BRWD3: variants seen among roughly 807,000 people sequenced by gnomAD.
BRWD3 encodes bromodomain and WD repeat-containing protein 3.
A neutral mutation model predicts 149.7 loss-of-function variants in BRWD3; 10 were observed. The ratio of observed to expected loss-of-function variants is 0.07; its 90% CI spans 0.04 to 0.11. BRWD3 has a LOEUF of 0.11. Ranked by LOEUF, BRWD3 falls within the 10% of genes least tolerant of loss-of-function variation. BRWD3 has a pLI of 1.00. For synonymous variants in BRWD3, 504 were observed against 456.7 expected (o/e 1.10, Z -1.32); for missense variants, 940 against 1,373.2 (o/e 0.68, Z 4.99).
At chrX:80,767,297 A>T (rs910728454) in intron 6 of BRWD3, among the ~76,000 whole-genome samples, 11 of 111,730 alleles carry the variant, frequency 9.8e-5, no homozygotes, top group Non-Finnish European at 2.1e-4. Context: ...ACTTCCCATT[A>T]GGGGCCAACA....
In BRWD3 at chrX:80,684,113, T is replaced by C; in HGVS notation, c.4130A>G (p.Glu1377Gly). The C allele has an allele frequency of 8.3e-7, 1 of 1,206,203 alleles. No homozygotes were observed. The highest frequency in any genetic ancestry group is 1.8e-5 in the South Asian group (1 of 56,869). The change falls in exon 37 of 41, where the codon GAA becomes GGA. Residue 1377 changes from glutamate to glycine, a missense_variant. Glu to Gly is a moderately conservative substitution (Grantham distance 98). Coordinates refer to ENST00000373275, the MANE Select transcript of BRWD3 (RefSeq NM_153252.5). The part of the protein sequence containing the change: ...DTPVDFSTVK[E>G]TLEAGNYGSP... ...ACCATAGTTTCCTGCTTCCAAAGTT[T>C]CTTTCACAGTGCTGAAGTCCACAGG...
chrX:80,790,932 T>G (rs2074175376), intron 6 of BRWD3, among the ~76,000 whole-genome samples: 1 of 111,781 alleles, frequency 8.9e-6, no homozygotes. Context: ...CCATGTTCAA[T>G]GAGACTCAAC....
In BRWD3 at chrX:80,717,720, T is replaced by C. The variant is rs1439073194; in HGVS notation, c.2084A>G (p.Asn695Ser). The change falls in exon 19 of 41, where the codon AAC becomes AGC. Residue 695 changes from asparagine (N) to serine (S), a missense_variant. By Grantham distance (46) the Asn-to-Ser change is conservative. Around this residue, in one of 6 missense-constraint regions of BRWD3, gnomAD observed 103 missense variants for 103.2 expected, o/e 1.00. Coordinates refer to ENST00000373275, the MANE Select transcript of BRWD3 (RefSeq NM_153252.5). Reference protein sequence around the residue: ...SPNMDISSSPNIRLRRHSSQI... With the variant: ...SPNMDISSSPSIRLRRHSSQI... ...ACTACTATGTCTTCGAAGCCTGATG[T>C]TTGGGGAAGAAGATATGTCCATGTT... 2.5e-6 allele frequency: 3 copies of C among 1,211,301 alleles called. No homozygotes were observed. The African/African-American group carries it at 5.2e-5, about 21-fold the overall frequency.
chrX:80,755,645 A>C (rs1457706503), intron 6 of BRWD3, among the ~76,000 whole-genome samples: 1 of 111,929 alleles, frequency 8.9e-6, no homozygotes, highest in Non-Finnish European at 1.9e-5. Context: ...TCCTGGGGAC[A>C]TAACTGATTA....
chrX:80,758,627 T>C lies in BRWD3; in HGVS notation c.431-12898A>G, dbSNP rs1337336217. 2.7e-5 allele frequency among the ~76,000 whole-genome samples: 3 copies of C among 110,686 alleles called. No homozygotes were observed. In the South Asian group the frequency reaches 1.2e-3, roughly 43 times the overall value. On this transcript the variant is annotated intron_variant, in intron 6 of 40. Transcript: ENST00000373275. ...TCTCTGTGTAATTTCCAGAGAGTTA[T>C]CCAGGTTCTACCCTTGGGAACGACA...
chrX:80,802,589 T>C (rs1445505583), intron 4 of BRWD3, among the ~76,000 whole-genome samples: 3 of 110,487 alleles, frequency 2.7e-5, no homozygotes, highest in Non-Finnish European at 5.7e-5. Context: ...TTTTAAAATG[T>C]AGCGAACAAT....
At chrX:80,745,491 C>T (rs1330776998) in intron 7 of BRWD3, 78 bp downstream of exon 7, 1 of 978,388 alleles carries the variant, frequency 1.0e-6, no homozygotes, top group Non-Finnish European at 1.4e-6. Context: ...GCTTACAAAG[C>T]ACAATGCAAT....
intron 6 of BRWD3, among the ~76,000 whole-genome samples, chrX:80,759,946 T>A (rs2073785477): frequency 9.0e-6 from 1 of 111,622 alleles, no homozygotes. Context: ...CATTTTGGTC[T>A]ATAGATTCCT....
rs147617562 is a variant in BRWD3, at chrX:80,709,505, G to A, written c.2398C>T (p.Arg800Trp). ...QRKRQHTYQT[R>W]SNIEHNSQAS... ...TGTGAATTATGCTCTATGTTGGACC[G>A]TGTTTGGTAAGTATGCTGACGTTTG... Residue 800 changes from arginine to tryptophan, a missense_variant, in exon 21 of 41, where the codon CGG becomes TGG. Arg to Trp is a moderately radical substitution (Grantham distance 101). This residue lies in a region of BRWD3 where 103 missense variants were observed against 103.2 expected (regional missense o/e 1.00). Coordinates refer to ENST00000373275, the MANE Select transcript of BRWD3 (RefSeq NM_153252.5). 2.5e-6 allele frequency: 3 copies of A among 1,207,821 alleles called. No individual in the cohort carries two copies. The highest frequency in any genetic ancestry group is 2.2e-5 in the Admixed American group (1 of 45,659).
Position 80,676,369 on chromosome X carries a change from G to T in BRWD3, c.*240C>A. The T allele has an allele frequency of 2.4e-6, 1 of 416,916 alleles. No individual in the cohort carries two copies. Among genetic ancestry groups the T allele is most frequent in the Non-Finnish European group, 4.2e-6 (1 of 239,026 alleles). The allele number at this position is 416,916 out of a possible 1,213,427, so 34.4% of individuals were successfully genotyped here. The stretch of plus-strand genomic sequence containing the variant: ...TCTGTGTGTGTGTATGTGTGTGTAT[G>T]TGTTTGTGTGTGTGTGGGCAGAATT... On this transcript the variant is annotated 3_prime_UTR_variant, in exon 41 of 41. Transcript: ENST00000373275.
At chrX:80,770,318 ATATCC>A (rs2073924684) in intron 6 of BRWD3, among the ~76,000 whole-genome samples, 2 of 111,801 alleles carry the variant, frequency 1.8e-5, no homozygotes, top group African/African-American at 6.5e-5. Flanking sequence ...TTTTAGACCA[ATATCC>A]CTGATGAACA....
intron 33 of BRWD3, among the ~76,000 whole-genome samples, 160 bp from the exon 34 acceptor site, chrX:80,688,285 T>C (rs1235575526): frequency 9.0e-6 from 1 of 111,364 alleles, no homozygotes; most frequent in East Asian, 2.8e-4. Flanking sequence ...ACACCAAACT[T>C]TCCCAATATG....
At chrX:80,729,693 G>C (rs1412721307) in intron 13 of BRWD3, among the ~76,000 whole-genome samples, 1 of 111,412 alleles carries the variant, frequency 9.0e-6, no homozygotes, top group African/African-American at 3.3e-5. Flanking sequence ...AGATCTTTGA[G>C]TCACAAAAGA....
Position 80,709,556 on chromosome X carries a change from C to A in BRWD3, c.2347G>T (p.Gly783Trp), listed in dbSNP as rs1376980599. 8.3e-7 allele frequency: 1 copy of A among 1,208,824 alleles called. No homozygotes were observed. The highest frequency in any genetic ancestry group is 2.2e-5 in the Admixed American group (1 of 45,737). ...TQRNDYEPSC[G>W]RSLRRTQRKR... Reference sequence around the variant, plus strand: ...CGCTGTGTCCTGCGTAAAGAACGCCCACAGCTAGGCTCATAATCATTCTGT... The same window carrying A: ...CGCTGTGTCCTGCGTAAAGAACGCCAACAGCTAGGCTCATAATCATTCTGT... Residue 783 changes from glycine (G) to tryptophan (W), a missense_variant, in exon 21 of 41, where the codon GGG becomes TGG. Transcript: ENST00000373275.
chrX:80,753,137 C>G (rs750392121), intron 6 of BRWD3, among the ~76,000 whole-genome samples: 1 of 111,824 alleles, frequency 8.9e-6, no homozygotes, highest in African/African-American at 3.2e-5. Flanking sequence ...CAATTATTTT[C>G]TCCAATTCTA....
At chrX:80,799,342 A>G (rs1308341933) in intron 4 of BRWD3, among the ~76,000 whole-genome samples, 1 of 112,073 alleles carries the variant, frequency 8.9e-6, no homozygotes, top group Non-Finnish European at 1.9e-5. Context: ...ACTAACTTTC[A>G]AACACCAAAA....
At position 80,682,088 on chromosome X, in the gene BRWD3, T is replaced by C. The variant is rs1569244411; in HGVS notation, c.4404A>G (p.Lys1468=). ...SLSSSGAPSP[K]GKQKQMKLQP... ...GCAACTTCATTTGTTTCTGCTTCCC[T>C]TTTGGACTAGAAGTAAAAATATGTA... Residue 1468 remains lysine, a synonymous_variant, in exon 39 of 41, where the codon AAA becomes AAG. Coordinates refer to ENST00000373275, the MANE Select transcript of BRWD3 (RefSeq NM_153252.5). The C allele has an allele frequency of 1.7e-6, 2 of 1,201,847 alleles. No individual in the cohort carries two copies.
At position 80,722,843 on chromosome X, in the gene BRWD3, T is replaced by C. The variant is rs759266258; in HGVS notation, c.1651-56A>G. The C allele has an allele frequency of 9.9e-6, 10 of 1,008,595 alleles. No homozygotes were observed. The African/African-American group carries it at 1.5e-4, about 15-fold the overall frequency. The allele number at this position is 1,008,595 out of a possible 1,213,427, so 83.1% of individuals were successfully genotyped here. A position where few individuals can be genotyped will look rare whatever the true frequency, so the allele number is the denominator to read the frequency against. On this transcript the variant is annotated intron_variant, in intron 16 of 40. Coordinates refer to ENST00000373275, the MANE Select transcript of BRWD3 (RefSeq NM_153252.5). ...ACACAGGGAATTTATAAGTAAATAC[T>C]TGTTTTCATTCCTTGAGCACACTCA...
intron 40 of BRWD3, among the ~76,000 whole-genome samples, chrX:80,679,140 T>C (rs986950829): frequency 8.9e-6 from 1 of 112,301 alleles, no homozygotes; most frequent in African/African-American, 3.2e-5. Context: ...GAATGTCTGC[T>C]GTTTAAGCCA....
Sources: gnomAD v4.1 joint callset for allele counts (sites outside exome capture counted in the v4.1 genomes callset) on GRCh38, gnomAD v4.1.1 for gene constraint, gnomAD v4.1.1 regional missense constraint, MANE v1.5 for transcripts, NCBI Gene and HGNC (gene_info 2026-07-23, HGNC 2026-07-21) for gene names.